Variants in KCNJ4 observed in about 807,000 individuals in gnomAD.
The protein encoded by KCNJ4 is potassium inwardly rectifying channel subfamily J member 4.
Under a neutral mutation model 25.6 loss-of-function variants are expected in KCNJ4, and 3 were observed. The ratio of observed to expected loss-of-function variants is 0.12; its 90% CI spans 0.05 to 0.30. The LOEUF is 0.30. Among genes scored for constraint, KCNJ4 ranks in the 10% least tolerant of loss-of-function variants. The probability of loss-of-function intolerance (pLI) is 1.00; values close to 1 mark genes in which losing one functional copy is unlikely to be tolerated. For synonymous variants in KCNJ4, 257 were observed against 283.9 expected (o/e 0.91, Z 0.95); for missense variants, 286 against 666.8 (o/e 0.43, Z 6.29).
chr22:38,434,036 C>T (rs953292236), intron 1 of KCNJ4, among the ~76,000 whole-genome samples: 7 of 152,160 alleles, frequency 4.6e-5, no homozygotes, highest in Non-Finnish European at 8.8e-5. Context: ...GAGATCCGTG[C>T]CACTGACCAG....
At chr22:38,447,022 AGGT>A (rs1386986690) in intron 1 of KCNJ4, among the ~76,000 whole-genome samples, 127 of 151,580 alleles carry the variant, frequency 8.4e-4, no homozygotes, top group African/African-American at 2.9e-3. Context: ...AGGCTCAGAG[AGGT>A]GAAAAACCTG....
intron 1 of KCNJ4, among the ~76,000 whole-genome samples, chr22:38,447,219 C>A (rs566454260): frequency 7.2e-5 from 11 of 152,188 alleles, no homozygotes; most frequent in African/African-American, 2.4e-4. Flanking sequence ...GAGGGCAGGG[C>A]GAAGGAAAGA....
chr22:38,447,126 G>A (rs1351752158), intron 1 of KCNJ4, among the ~76,000 whole-genome samples: 1 of 152,136 alleles, frequency 6.6e-6, no homozygotes, highest in African/African-American at 2.4e-5. Flanking sequence ...GACAACTGAG[G>A]CTGGAGGAGC....
intron 1 of KCNJ4, among the ~76,000 whole-genome samples, chr22:38,445,794 C>T (rs1430574589): frequency 1.3e-5 from 2 of 152,168 alleles, no homozygotes; most frequent in Non-Finnish European, 2.9e-5. Flanking sequence ...CGGGGCAGGA[C>T]CTGTGTGCAA....
At chr22:38,431,865 A>G (rs1289005260) in intron 1 of KCNJ4, among the ~76,000 whole-genome samples, 1 of 152,086 alleles carries the variant, frequency 6.6e-6, no homozygotes, top group East Asian at 1.9e-4. Context: ...TCCTTGTCAC[A>G]TGGGGCTTCC....
At chr22:38,452,843 G>A (rs1474747903) in intron 1 of KCNJ4, among the ~76,000 whole-genome samples, 4 of 127,792 alleles carry the variant, frequency 3.1e-5, no homozygotes, top group Admixed American at 8.8e-5. Context: ...GCTTCTCCCC[G>A]GACCCCTTGA....
chr22:38,441,854 G>A (rs966632846), intron 1 of KCNJ4, among the ~76,000 whole-genome samples: 4 of 152,222 alleles, frequency 2.6e-5, no homozygotes, highest in Admixed American at 6.5e-5. Flanking sequence ...GCCCATCCAC[G>A]AATGGCACAG....
intron 1 of KCNJ4, among the ~76,000 whole-genome samples, chr22:38,430,664 G>C (rs2093046879): frequency 6.6e-6 from 1 of 152,202 alleles, no homozygotes; most frequent in African/African-American, 2.4e-5. Context: ...AGGGCTCCAG[G>C]AGAAAGGCTT....
chr22:38,440,875 T>C (rs931787949), intron 1 of KCNJ4, among the ~76,000 whole-genome samples: 5 of 152,184 alleles, frequency 3.3e-5, no homozygotes, highest in African/African-American at 7.2e-5. Context: ...CGGTTTCTAG[T>C]GTGCAGTGGC....
intron 1 of KCNJ4, among the ~76,000 whole-genome samples, chr22:38,445,117 A>G (rs1055041035): frequency 6.6e-6 from 1 of 151,904 alleles, no homozygotes; most frequent in African/African-American, 2.4e-5. Flanking sequence ...TCCTAGGAAG[A>G]TGAGGGCAAG....
chr22:38,442,544 CAAAAAAAAAA>C (rs10631730), intron 1 of KCNJ4, among the ~76,000 whole-genome samples: 1 of 93,946 alleles, frequency 1.1e-5, no homozygotes, highest in Non-Finnish European at 2.0e-5. Flanking sequence ...AAGACTCCAT[CAAAAAAAAAA>C]AAAAAAAAGG....
intron 1 of KCNJ4, among the ~76,000 whole-genome samples, chr22:38,434,006 C>T (rs907109246): frequency 2.0e-5 from 3 of 152,190 alleles, no homozygotes; most frequent in Admixed American, 6.5e-5. Flanking sequence ...TGGAAGGCTT[C>T]GAGGGCAAAT....
intron 1 of KCNJ4, among the ~76,000 whole-genome samples, chr22:38,435,021 A>G (rs998509116): frequency 6.6e-6 from 1 of 152,242 alleles, no homozygotes; most frequent in Non-Finnish European, 1.5e-5. Flanking sequence ...GCTGATGACC[A>G]AGAATGCTGG....
intron 1 of KCNJ4, among the ~76,000 whole-genome samples, chr22:38,435,139 G>C (rs1380444299): frequency 6.6e-6 from 1 of 152,174 alleles, no homozygotes; most frequent in African/African-American, 2.4e-5. Flanking sequence ...TGGCTCCCTG[G>C]CAGGAGAGGT....
In KCNJ4 at chr22:38,454,792, G is replaced by C. The variant is rs550887013; in HGVS notation, c.-40+188C>G. On this transcript the variant is annotated intron_variant, in intron 1 of 1. Transcript: ENST00000303592. The stretch of plus-strand genomic sequence containing the variant: ...GCTCCCAGACGGACAGACGGACAGA[G>C]CCCGCCCGTGGAGCCCGCCCGCTCC... Among the ~76,000 whole-genome samples the C allele has an allele frequency of 3.3e-5, 5 of 151,728 alleles. No individual in the cohort carries two copies. In the South Asian group the frequency reaches 1.0e-3, roughly 31 times the overall value.
Position 38,433,930 on chromosome 22 carries a change from C to T in KCNJ4, c.-39-5759G>A, listed in dbSNP as rs112104140. 4.5e-3 allele frequency among the ~76,000 whole-genome samples: 681 copies of T among 152,344 alleles called. 7 individuals carry two copies. Among genetic ancestry groups the T allele is most frequent in the African/African-American group, 0.015 (625 of 41,574 alleles). ...TAGGACACTAACTTATCTGTCCTTG[C>T]CCACAACTCCCTTTGCAAAAGAAAA... On this transcript the variant is annotated intron_variant, in intron 1 of 1. Transcript: ENST00000303592.
chr22:38,454,355 C>A (rs574813859), intron 1 of KCNJ4, among the ~76,000 whole-genome samples: 1 of 152,172 alleles, frequency 6.6e-6, no homozygotes, highest in Non-Finnish European at 1.5e-5. Flanking sequence ...AGGGGAAGTT[C>A]TCCCTGCGGG....
intron 1 of KCNJ4, among the ~76,000 whole-genome samples, chr22:38,440,074 G>A (rs1309610306): frequency 1.4e-5 from 2 of 147,908 alleles, no homozygotes; most frequent in African/African-American, 5.0e-5. Context: ...CTCCAGCCTG[G>A]GTGACAGAGC....
At chr22:38,439,984 G>A (rs190277312) in intron 1 of KCNJ4, among the ~76,000 whole-genome samples, 5 of 151,522 alleles carry the variant, frequency 3.3e-5, no homozygotes, top group Admixed American at 2.0e-4. Context: ...CCAGCTACTC[G>A]GGAGGCTGAG....
Sources: gnomAD v4.1 joint callset for allele counts (sites outside exome capture counted in the v4.1 genomes callset) on GRCh38, gnomAD v4.1.1 for gene constraint, MANE v1.5 for transcripts, NCBI Gene and HGNC (gene_info 2026-07-23, HGNC 2026-07-21) for gene names.